Variants in NKAIN2 observed in about 807,000 individuals in gnomAD.
The protein encoded by NKAIN2 is sodium/potassium-transporting ATPase subunit beta-1-interacting protein 2.
NKAIN2 carries 14 observed loss-of-function variants against 32.6 expected under a neutral mutation model. The observed-to-expected ratio is 0.43, with a 90% CI of 0.28 to 0.67. The LOEUF is 0.67. NKAIN2 is among the 30% of genes least tolerant of loss of function. The pLI is 0.17. For missense variants in NKAIN2, 198 were observed against 258.3 expected (o/e 0.77, Z 1.60); for synonymous variants, 80 against 87.2 (o/e 0.92, Z 0.46).
intron 1 of NKAIN2, among the ~76,000 whole-genome samples, chr6:124,041,734 AG>A (rs1363889193): frequency 1.3e-5 from 2 of 152,096 alleles, no homozygotes; most frequent in African/African-American, 4.8e-5. Flanking sequence ...GGAAAAAAAC[AG>A]TTTATGAATT....
intron 3 of NKAIN2, among the ~76,000 whole-genome samples, chr6:124,436,194 CTG>C: frequency 6.6e-6 from 1 of 152,110 alleles, no homozygotes; most frequent in Non-Finnish European, 1.5e-5. Context: ...CATTTGTAGT[CTG>C]TATACTTTCA....
intron 2 of NKAIN2, among the ~76,000 whole-genome samples, chr6:124,283,932 T>A (rs1250833983): frequency 2.0e-5 from 3 of 152,224 alleles, no homozygotes; most frequent in African/African-American, 4.8e-5. Context: ...TATAAGATAG[T>A]ACCGTGAAAG....
chr6:124,045,141 C>A (rs760673984), intron 1 of NKAIN2, among the ~76,000 whole-genome samples: 1 of 151,642 alleles, frequency 6.6e-6, no homozygotes, highest in Non-Finnish European at 1.5e-5. Flanking sequence ...TTTCTTTATA[C>A]GTCAAAACTA....
intron 1 of NKAIN2, 69 bp downstream of exon 1, chr6:123,804,323 A>G: frequency 7.7e-7 from 1 of 1,298,274 alleles, no homozygotes; most frequent in Non-Finnish European, 1.1e-6. Context: ...AGTGCAGCAA[A>G]GGGTCTGCCA....
At chr6:124,672,898 A>G (rs1398979653) in intron 4 of NKAIN2, among the ~76,000 whole-genome samples, 3 of 152,102 alleles carry the variant, frequency 2.0e-5, no homozygotes, top group Non-Finnish European at 2.9e-5. Context: ...TAAAAAACAC[A>G]TGACCTGAAA....
chr6:124,692,535 G>A (rs974749572), intron 4 of NKAIN2, among the ~76,000 whole-genome samples: 1 of 152,070 alleles, frequency 6.6e-6, no homozygotes, highest in Non-Finnish European at 1.5e-5. Context: ...GTAACATGAG[G>A]GCCGGGTGCG....
chr6:124,450,509 G>GT (rs1304500429), intron 3 of NKAIN2, among the ~76,000 whole-genome samples: 3 of 151,640 alleles, frequency 2.0e-5, no homozygotes, highest in Non-Finnish European at 4.4e-5. Flanking sequence ...TAATAATACT[G>GT]TTTTTTATTA....
intron 1 of NKAIN2, among the ~76,000 whole-genome samples, chr6:123,886,573 A>G (rs1773723770): frequency 6.6e-6 from 1 of 152,164 alleles, no homozygotes; most frequent in Non-Finnish European, 1.5e-5. Context: ...ATACTGAACT[A>G]ATGAAAATTG....
At chr6:124,158,003 T>C (rs1279502485) in intron 1 of NKAIN2, among the ~76,000 whole-genome samples, 1 of 152,226 alleles carries the variant, frequency 6.6e-6, no homozygotes, top group African/African-American at 2.4e-5. Flanking sequence ...ATATCAAAAT[T>C]TCTATTACTG....
chr6:124,570,600 C>T lies in NKAIN2; in HGVS notation c.274-87586C>T, dbSNP rs118150083. Among the ~76,000 whole-genome samples, 87 of 152,258 alleles carry T rather than the reference C, an allele frequency of 5.7e-4. 1 individual carries two copies. In the East Asian group the frequency reaches 0.015, roughly 25 times the overall value. On this transcript the variant is annotated intron_variant, in intron 3 of 6. Coordinates refer to ENST00000368417, the MANE Select transcript of NKAIN2 (RefSeq NM_001040214.3). ...CTACGTGGTGTTGAACCTGCAGGTG[C>T]ACAGAAGTCAATAATTGAGGTTCGA...
intron 3 of NKAIN2, among the ~76,000 whole-genome samples, chr6:124,361,703 CAA>C (rs2114278276): frequency 6.6e-6 from 1 of 152,032 alleles, no homozygotes; most frequent in Admixed American, 6.5e-5. Context: ...AGTCATGTAA[CAA>C]TGTGGCTTAT....
At chr6:124,154,428 T>G (rs1371871122) in intron 1 of NKAIN2, among the ~76,000 whole-genome samples, 2 of 151,896 alleles carry the variant, frequency 1.3e-5, no homozygotes, top group Non-Finnish European at 2.9e-5. Context: ...TTTCAGATAT[T>G]CACATACTTG....
intron 4 of NKAIN2, among the ~76,000 whole-genome samples, chr6:124,676,501 T>A (rs758392824): frequency 3.9e-5 from 6 of 152,238 alleles, no homozygotes; most frequent in Non-Finnish European, 8.8e-5. Context: ...ATTTGAGTGC[T>A]CTGATGTTGG....
chr6:124,675,528 T>A (rs1193885453), intron 4 of NKAIN2, among the ~76,000 whole-genome samples: 1 of 152,132 alleles, frequency 6.6e-6, no homozygotes, highest in Non-Finnish European at 1.5e-5. Context: ...TTCTTGGACT[T>A]ATGAGTTATT....
At chr6:124,011,435 G>C (rs1780321525) in intron 1 of NKAIN2, among the ~76,000 whole-genome samples, 1 of 149,682 alleles carries the variant, frequency 6.7e-6, no homozygotes, top group Non-Finnish European at 1.5e-5. Flanking sequence ...ATTTCCAACT[G>C]TTAGTCTCTA....
At chr6:124,198,213 C>T (rs893719460) in intron 1 of NKAIN2, among the ~76,000 whole-genome samples, 2 of 151,946 alleles carry the variant, frequency 1.3e-5, no homozygotes, top group Non-Finnish European at 2.9e-5. Flanking sequence ...CCGCTGGCCC[C>T]GCTTTTAGCC....
intron 1 of NKAIN2, among the ~76,000 whole-genome samples, chr6:123,910,733 T>C (rs1775138019): frequency 6.6e-6 from 1 of 151,918 alleles, no homozygotes; most frequent in Admixed American, 6.6e-5. Context: ...CTCGATCTCT[T>C]GACCTCGTGA....
At chr6:123,957,604 G>T (rs945554615) in intron 1 of NKAIN2, among the ~76,000 whole-genome samples, 2 of 152,022 alleles carry the variant, frequency 1.3e-5, no homozygotes, top group East Asian at 1.9e-4. Flanking sequence ...CAACTCAACC[G>T]CCAGCTCTTA....
intron 1 of NKAIN2, among the ~76,000 whole-genome samples, chr6:123,997,855 G>A (rs1279304104): frequency 2.0e-5 from 3 of 151,876 alleles, no homozygotes; most frequent in Non-Finnish European, 4.4e-5. Context: ...CTCCCGCCTC[G>A]GCCTCCCAAA....
Sources: gnomAD v4.1 joint callset for allele counts (sites outside exome capture counted in the v4.1 genomes callset) on GRCh38, gnomAD v4.1.1 for gene constraint, MANE v1.5 for transcripts, NCBI Gene and HGNC (gene_info 2026-07-23, HGNC 2026-07-21) for gene names.